The following SAMD12 variants were observed in gnomAD, a reference collection of about 807,000 sequenced individuals.
SAMD12 encodes sterile alpha motif domain-containing protein 12.
In SAMD12, 9 loss-of-function variants were observed where a neutral mutation model predicts 15.0. The ratio of observed to expected loss-of-function variants is 0.60; its 90% CI spans 0.36 to 1.05. SAMD12 has a LOEUF of 1.05. SAMD12 is among the 50% of genes least tolerant of loss of function. The pLI is 0.01. For synonymous variants in SAMD12, 86 were observed against 90.1 expected, an observed-to-expected ratio of 0.96 and a Z score of 0.25; for missense variants, 230 against 234.2, an observed-to-expected ratio of 0.98 and a Z score of 0.12.
At chr8:118,555,353 G>A (rs2131195683) in intron 2 of SAMD12, among the ~76,000 whole-genome samples, 1 of 152,180 alleles carries the variant, frequency 6.6e-6, no homozygotes, top group South Asian at 2.1e-4. Context: ...GTTTTCTCAT[G>A]GTATTTTTCT....
chr8:118,180,487 G>A, the SAMD12 span, among the ~76,000 whole-genome samples: 1 of 152,102 alleles, frequency 6.6e-6, no homozygotes, highest in Non-Finnish European at 1.5e-5. Context: ...GCAGAGAAAT[G>A]TGGCTCATTC....
intron 4 of SAMD12, among the ~76,000 whole-genome samples, chr8:118,271,281 T>C (rs1189619966): frequency 6.6e-6 from 1 of 152,094 alleles, no homozygotes; most frequent in South Asian, 2.1e-4. Context: ...AAGCCTCTTA[T>C]AAAACCATCA....
chr8:118,236,896 G>C (rs952402352), intron 4 of SAMD12, among the ~76,000 whole-genome samples: 2 of 152,166 alleles, frequency 1.3e-5, no homozygotes, highest in African/African-American at 4.8e-5. Context: ...CTACCTTCTC[G>C]TTTTCTAATC....
At chr8:118,521,615 G>A (rs908405950) in intron 2 of SAMD12, among the ~76,000 whole-genome samples, 1 of 152,180 alleles carries the variant, frequency 6.6e-6, no homozygotes, top group African/African-American at 2.4e-5. Flanking sequence ...TGACTGATGC[G>A]TGACCTTCAG....
At chr8:118,467,581 A>T (rs1176526631) in intron 2 of SAMD12, among the ~76,000 whole-genome samples, 1 of 152,186 alleles carries the variant, frequency 6.6e-6, no homozygotes, top group African/African-American at 2.4e-5. Context: ...ACTCAGCATA[A>T]AATACACAAT....
intron 3 of SAMD12, among the ~76,000 whole-genome samples, chr8:118,383,373 A>C (rs1819772765): frequency 6.6e-6 from 1 of 152,222 alleles, no homozygotes; most frequent in Admixed American, 6.5e-5. Context: ...TAGTCTGGGC[A>C]CCAGGAAGCT....
intron 2 of SAMD12, among the ~76,000 whole-genome samples, chr8:118,443,359 G>A (rs4876838): frequency 0.44 from 67,638 of 152,004 alleles, 17,402 homozygotes; most frequent in South Asian, 0.58. Context: ...AGCTACGCGG[G>A]AGACAGGAGG....
rs145938001 is a variant in SAMD12, at chr8:118,346,891, G to T, written c.433+32669C>A. 8.5e-5 allele frequency among the ~76,000 whole-genome samples: 13 copies of T among 152,306 alleles called. No individual in the cohort carries two copies. In the South Asian group the frequency reaches 2.3e-3, roughly 27 times the overall value. On this transcript the variant is annotated intron_variant, in intron 4 of 4. Transcript: ENST00000409003. ...ATGTCTATGAGGCAAGCTCATCAGA[G>T]ACTCAGTGGCCAAGGTGGCTGTTGT...
intron 2 of SAMD12, among the ~76,000 whole-genome samples, chr8:118,489,135 A>C (rs895606949): frequency 2.0e-5 from 3 of 151,654 alleles, no homozygotes; most frequent in Non-Finnish European, 4.4e-5. Context: ...CCATTTCAAT[A>C]CCCCCCTTTT....
chr8:118,242,037 C>A (rs1428448105), intron 4 of SAMD12, among the ~76,000 whole-genome samples: 1 of 152,112 alleles, frequency 6.6e-6, no homozygotes, highest in Non-Finnish European at 1.5e-5. Flanking sequence ...CTCAGCCTCC[C>A]TAGAAGCTGG....
intron 4 of SAMD12, among the ~76,000 whole-genome samples, chr8:118,314,762 G>A (rs9642839): frequency 0.48 from 72,600 of 151,974 alleles, 19,907 homozygotes; most frequent in African/African-American, 0.77. Context: ...ATGCCATGGT[G>A]TGGATGTACC....
chr8:118,369,740 C>CACAAAA (rs779441033), intron 4 of SAMD12, among the ~76,000 whole-genome samples: 2 of 151,580 alleles, frequency 1.3e-5, no homozygotes, highest in African/African-American at 4.8e-5. Flanking sequence ...ATAAAAAACC[C>CACAAAA]ACAAAAACAA....
the SAMD12 span, among the ~76,000 whole-genome samples, chr8:118,139,343 C>G: frequency 2.0e-5 from 3 of 151,956 alleles, no homozygotes; most frequent in South Asian, 4.2e-4. Flanking sequence ...CAATAAGTTT[C>G]TATTCTTTAT....
At chr8:118,175,050 AAAAAAAC>A in the SAMD12 span, among the ~76,000 whole-genome samples, 1 of 150,282 alleles carries the variant, frequency 6.7e-6, no homozygotes, top group African/African-American at 2.5e-5. Context: ...AAAAAAAACA[AAAAAAAC>A]AAACAAAAAC....
chr8:118,502,006 C>T (rs76357622), intron 2 of SAMD12, among the ~76,000 whole-genome samples: 5 of 128,986 alleles, frequency 3.9e-5, no homozygotes, highest in East Asian at 2.1e-4. Context: ...GGCAACAGAG[C>T]GAGACTCCGT....
intron 2 of SAMD12, among the ~76,000 whole-genome samples, chr8:118,543,119 C>T (rs1373771725): frequency 6.6e-6 from 1 of 152,080 alleles, no homozygotes; most frequent in African/African-American, 2.4e-5. Flanking sequence ...AGTTCCCTCT[C>T]CAAAGAAAAT....
At chr8:118,467,413 T>C (rs1586740506) in intron 2 of SAMD12, among the ~76,000 whole-genome samples, 2 of 152,336 alleles carry the variant, frequency 1.3e-5, no homozygotes, top group East Asian at 1.9e-4. Flanking sequence ...TAGAAAATTT[T>C]ACATGAATGT....
chr8:118,396,850 T>C (rs1034563705), intron 3 of SAMD12, among the ~76,000 whole-genome samples: 1 of 152,170 alleles, frequency 6.6e-6, no homozygotes. Context: ...TGGTTTCTAC[T>C]AGAGAGGTGG....
chr8:118,490,101 CA>C (rs1379590290), intron 2 of SAMD12, among the ~76,000 whole-genome samples: 1 of 151,840 alleles, frequency 6.6e-6, no homozygotes, highest in African/African-American at 2.4e-5. Flanking sequence ...TCATAGCATT[CA>C]AAAAAATAAG....
Sources: allele counts gnomAD v4.1 joint callset (sites outside exome capture counted in the v4.1 genomes callset), GRCh38; gene constraint gnomAD v4.1.1; transcripts MANE v1.5; gene names NCBI Gene and HGNC (gene_info 2026-07-23, HGNC 2026-07-21).